USP35: variants seen among roughly 807,000 people sequenced by gnomAD.
The protein encoded by USP35 is ubiquitin carboxyl-terminal hydrolase 35.
In USP35, 69 loss-of-function variants were observed where a neutral mutation model predicts 83.8. That is an observed-to-expected ratio of 0.82 (90% CI 0.68 to 1.01). The LOEUF (loss-of-function observed/expected upper bound fraction) is 1.01. Among genes scored for constraint, USP35 ranks in the 50% least tolerant of loss-of-function variants. The pLI, the probability that USP35 is intolerant of heterozygous loss-of-function variation, is 0.00. For synonymous variants in USP35, 714 were observed against 589.5 expected, an observed-to-expected ratio of 1.21 and a Z score of -3.06; for missense variants, 1,503 against 1,362.5, an observed-to-expected ratio of 1.10 and a Z score of -1.62.
Position 78,189,083 on chromosome 11 carries a change from G to A in USP35, c.-85G>A. On this transcript the variant is annotated 5_prime_UTR_variant, in exon 1 of 11. Coordinates refer to ENST00000529308, the MANE Select transcript of USP35 (RefSeq NM_020798.4). The stretch of plus-strand genomic sequence containing the variant: ...GGAGCAGAGGACCAGCCCTGACCTA[G>A]CCGGGCCCAGCCTCGTCCTGCCCGG... 6 of 523,026 alleles carry A rather than the reference G, an allele frequency of 1.1e-5. No homozygotes were observed. Among genetic ancestry groups the A allele is most frequent in the Non-Finnish European group, 1.5e-5 (6 of 407,310 alleles). The allele number at this position is 523,026 out of a possible 1,614,324, so 32.4% of individuals were successfully genotyped here.
the USP35 span, among the ~76,000 whole-genome samples, chr11:78,221,518 A>T: frequency 3.3e-5 from 5 of 152,224 alleles, no homozygotes; most frequent in Non-Finnish European, 7.4e-5. Context: ...TGCTTGATAA[A>T]CAGGTGCTCA....
chr11:78,220,467 G>C, the USP35 span: 2 of 1,546,340 alleles, frequency 1.3e-6, no homozygotes, highest in Non-Finnish European at 1.8e-6. Context: ...GGAAAAAACT[G>C]TGAGTGACTG....
intron 1 of USP35, among the ~76,000 whole-genome samples, chr11:78,192,158 C>G (rs7119895): frequency 0.037 from 5,677 of 152,288 alleles, 346 homozygotes; most frequent in African/African-American, 0.13. Context: ...AGGGGCTCAC[C>G]CAAGGTCACC....
chr11:78,234,043 C>T, the USP35 span, among the ~76,000 whole-genome samples: 8 of 152,130 alleles, frequency 5.3e-5, no homozygotes, highest in African/African-American at 1.7e-4. Context: ...CTTTGCTTAC[C>T]TCAAGATCAT....
the USP35 span, among the ~76,000 whole-genome samples, chr11:78,224,053 G>A: frequency 6.6e-6 from 1 of 152,170 alleles, no homozygotes; most frequent in Non-Finnish European, 1.5e-5. Context: ...CTGCACTCCA[G>A]CCTGGGTGAC....
Position 78,196,785 on chromosome 11 carries a change from A to T in USP35, c.540A>T (p.Glu180Asp). 1 of 1,533,788 alleles carries T rather than the reference A, an allele frequency of 6.5e-7. No homozygotes were observed. Among genetic ancestry groups the T allele is most frequent in the Non-Finnish European group, 8.7e-7 (1 of 1,145,754 alleles). Residue 180 changes from glutamate (E) to aspartate (D), a missense_variant, in exon 2 of 11, where the codon GAA (glutamate) becomes GAT (aspartate). Physicochemically the swap from Glu to Asp is conservative, Grantham distance 45 (BLOSUM62 2). Coordinates refer to ENST00000529308, the MANE Select transcript of USP35 (RefSeq NM_020798.4). This position sits in a 1 kb window ranked among gnomAD's most constrained non-coding sequence, Gnocchi z 4.8. ...TCGGCCGCTTCCGCTGCCCAGCCGAAGGCGAGGAGGGCGCCGTGGAGTTCC... is the reference window on the plus strand; with the variant it reads ...TCGGCCGCTTCCGCTGCCCAGCCGATGGCGAGGAGGGCGCCGTGGAGTTCC... ...RCLGRFRCPA[E>D]GEEGAVEFLE... is the part of the protein sequence containing the mutation.
chr11:78,207,183 G>T (rs1278613906), intron 7 of USP35: 1 of 189,994 alleles, frequency 5.3e-6, no homozygotes, highest in East Asian at 1.5e-4. Context: ...TATTGGCATG[G>T]ATCCTGTGGC....
chr11:78,207,382 C>A (rs2134407923), intron 7 of USP35, 148 bp from the exon 8 acceptor site: 1 of 711,780 alleles, frequency 1.4e-6, no homozygotes, highest in Non-Finnish European at 2.4e-6. Context: ...TGCTCCTCCT[C>A]CCCAGCCCCT....
At position 78,205,956 on chromosome 11, in the gene USP35, A is replaced by G. The variant is rs894210633; in HGVS notation, c.1312A>G (p.Thr438Ala). The part of the protein sequence containing the change: ...FYPRLMAKSD[T>A]GKIGLINLGN... ...TCCCCGGCTCATGGCCAAGTCAGAC[A>G]CGGGCAAGATTGGTCTCATCAACCT... The change falls in exon 7 of 11, where the codon ACG becomes GCG. Residue 438 changes from threonine (T) to alanine (A), a missense_variant. Coordinates refer to ENST00000529308, the MANE Select transcript of USP35 (RefSeq NM_020798.4). 9 of 1,614,142 alleles carry G rather than the reference A, an allele frequency of 5.6e-6. No individual in the cohort carries two copies. Among genetic ancestry groups the G allele is most frequent in the Non-Finnish European group, 6.8e-6 (8 of 1,180,056 alleles).
At chr11:78,219,142 G>A, downstream of USP35, 1 of 861,112 alleles carries the variant, frequency 1.2e-6, no homozygotes, top group Non-Finnish European at 1.8e-6. Flanking sequence ...CTGATGTCAA[G>A]TGCTTTGAAG....
intron 2 of USP35, 139 bp from the exon 3 acceptor site, chr11:78,197,797 T>C: frequency 8.0e-7 from 1 of 1,248,948 alleles, no homozygotes; most frequent in Non-Finnish European, 1.1e-6. Flanking sequence ...AGACTTTGCT[T>C]GCTATAGGAG....
At chr11:78,203,892 C>CTT (rs1452214469) in intron 6 of USP35, among the ~76,000 whole-genome samples, 9 of 114,380 alleles carry the variant, frequency 7.9e-5, no homozygotes, top group East Asian at 5.1e-4. Flanking sequence ...TTTTTCTTTT[C>CTT]TTTTTTTTTT....
intron 7 of USP35, 51 bp from the exon 8 acceptor site, chr11:78,207,479 A>G: frequency 6.3e-7 from 1 of 1,582,058 alleles, no homozygotes; most frequent in Non-Finnish European, 8.7e-7. Context: ...GTGACTAGAG[A>G]CTCCTTGGGG....
the USP35 span, among the ~76,000 whole-genome samples, chr11:78,234,119 C>T: frequency 6.6e-6 from 1 of 152,050 alleles, no homozygotes; most frequent in East Asian, 1.9e-4. Context: ...CTTATTCTGT[C>T]GCCCAGGCTG....
At position 78,198,726 on chromosome 11, in the gene USP35, G is replaced by T. The variant is rs568057055; in HGVS notation, c.806+658G>T. ...AGAGTGTGGGCTCTCGAGGTAAGTT[G>T]CTAGAGGTCAAATCCCGCCTCTACC... is the stretch of plus-strand genomic sequence containing the variant. On this transcript the variant is annotated intron_variant, in intron 3 of 10. Transcript: ENST00000529308. 3.0e-6 allele frequency: 3 copies of T among 983,824 alleles called. No homozygotes were observed. In the South Asian group the frequency reaches 1.4e-4, roughly 46 times the overall value. The allele number at this position is 983,824 out of a possible 1,614,324, so 60.9% of individuals were successfully genotyped here. A position where few individuals can be genotyped will look rare whatever the true frequency, so the allele number is the denominator to read the frequency against.
chr11:78,196,686 G>C lies in USP35; in HGVS notation c.441G>C (p.Leu147=). Residue 147 remains leucine (L), a synonymous_variant, in exon 2 of 11, where the codon CTG becomes CTC. Coordinates refer to ENST00000529308, the MANE Select transcript of USP35 (RefSeq NM_020798.4). The surrounding 1 kb of genome is among the most constrained non-coding windows in gnomAD (Gnocchi z 4.8). The part of the protein sequence containing the change: ...GPAACAQVAR[L]LARHPRCVPD... Reference sequence around the variant, plus strand: ...CGGCCTGCGCGCAGGTGGCACGGCTGCTGGCTCGCCACCCGCGCTGTGTGC... The same window carrying C: ...CGGCCTGCGCGCAGGTGGCACGGCTCCTGGCTCGCCACCCGCGCTGTGTGC... The C allele has an allele frequency of 6.7e-7, 1 of 1,488,002 alleles. No individual in the cohort carries two copies. Among genetic ancestry groups the C allele is most frequent in the East Asian group, 2.7e-5 (1 of 37,126 alleles). The allele number at this position is 1,488,002 out of a possible 1,614,324, so 92.2% of individuals were successfully genotyped here.
the USP35 span, among the ~76,000 whole-genome samples, chr11:78,231,324 G>A: frequency 8.8e-5 from 12 of 135,952 alleles, 1 homozygote; most frequent in South Asian, 2.3e-3. Context: ...TGGTGCGCGC[G>A]CGCGCGTGTG....
chr11:78,191,944 C>T (rs1384676005), intron 1 of USP35, among the ~76,000 whole-genome samples: 6 of 151,280 alleles, frequency 4.0e-5, no homozygotes, highest in Non-Finnish European at 5.9e-5. Context: ...CCTGGGTTCA[C>T]GCCATTCTCC....
At chr11:78,222,071 C>A in the USP35 span, 3 of 1,424,874 alleles carry the variant, frequency 2.1e-6, no homozygotes, top group South Asian at 2.3e-5. Context: ...AATGGCCCGA[C>A]TCCAAGCTCC....
Sources: gnomAD v4.1 joint callset for allele counts (sites outside exome capture counted in the v4.1 genomes callset) on GRCh38, gnomAD v4.1.1 for gene constraint, Gnocchi (gnomAD v3.1) non-coding constraint, MANE v1.5 for transcripts, NCBI Gene and HGNC (gene_info 2026-07-23, HGNC 2026-07-21) for gene names.